FRMD4B: variants seen among roughly 807,000 people sequenced by gnomAD.
The protein encoded by FRMD4B is FERM domain containing 4B.
FRMD4B carries 74 observed loss-of-function variants against 141.5 expected under a neutral mutation model. The observed-to-expected ratio is 0.52, with a 90% CI of 0.43 to 0.63. FRMD4B has a LOEUF of 0.63. FRMD4B is among the 30% of genes least tolerant of loss of function. The probability of loss-of-function intolerance (pLI) is 0.00; values close to 1 mark genes in which losing one functional copy is unlikely to be tolerated. For synonymous variants in FRMD4B, 506 were observed against 467.9 expected (o/e 1.08, Z -1.05); for missense variants, 1,366 against 1,253.4 (o/e 1.09, Z -1.36).
At chr3:69,465,822 T>C (rs1423216073) in intron 1 of FRMD4B, among the ~76,000 whole-genome samples, 2 of 152,212 alleles carry the variant, frequency 1.3e-5, no homozygotes, top group Non-Finnish European at 2.9e-5. Flanking sequence ...TCCAAGTCTT[T>C]GCTATTGTGA....
At chr3:69,354,927 T>C (rs1843049) in intron 1 of FRMD4B, among the ~76,000 whole-genome samples, 59,580 of 151,940 alleles carry the variant, frequency 0.39, 14,333 homozygotes, top group African/African-American at 0.69. Context: ...TAATTATTTG[T>C]GAGCACGTGA....
At chr3:69,391,881 C>T (rs1245327874) in intron 2 of FRMD4B, among the ~76,000 whole-genome samples, 1 of 152,194 alleles carries the variant, frequency 6.6e-6, no homozygotes, top group African/African-American at 2.4e-5. Flanking sequence ...GTCATTAGGA[C>T]AACCACAACA....
intron 1 of FRMD4B, among the ~76,000 whole-genome samples, chr3:69,440,162 C>T (rs1705321926): frequency 6.6e-6 from 1 of 152,140 alleles, no homozygotes; most frequent in African/African-American, 2.4e-5. Context: ...ATTCCTTTCT[C>T]CCCATCTAAA....
chr3:69,286,696 C>T (rs1298637182), intron 5 of FRMD4B, among the ~76,000 whole-genome samples: 3 of 152,230 alleles, frequency 2.0e-5, no homozygotes. Context: ...CATGGCTTCC[C>T]TTCCCTTCCT....
intron 1 of FRMD4B, among the ~76,000 whole-genome samples, chr3:69,317,845 G>A (rs1404465483): frequency 2.0e-5 from 3 of 149,886 alleles, no homozygotes; most frequent in African/African-American, 4.9e-5. Context: ...GGTTCCTAAT[G>A]TTTTCCAGTC....
chr3:69,208,094 C>T (rs1406658021), intron 11 of FRMD4B, among the ~76,000 whole-genome samples: 2 of 151,720 alleles, frequency 1.3e-5, no homozygotes, highest in African/African-American at 4.8e-5. Context: ...GACAGAGTCT[C>T]ACTCTGTCAC....
At chr3:69,228,462 G>A (rs1179647747) in intron 7 of FRMD4B, 1 of 456,646 alleles carries the variant, frequency 2.2e-6, no homozygotes, top group Non-Finnish European at 4.4e-6. Context: ...CTGAAGAGAG[G>A]AGAACATTGC....
chr3:69,512,128 A>T (rs1210744567), intron 1 of FRMD4B, among the ~76,000 whole-genome samples: 1 of 152,216 alleles, frequency 6.6e-6, no homozygotes, highest in Non-Finnish European at 1.5e-5. Flanking sequence ...GAAGCTGCAG[A>T]GGTAAGCAAG....
intron 11 of FRMD4B, among the ~76,000 whole-genome samples, chr3:69,208,403 T>C (rs1469038518): frequency 6.6e-6 from 1 of 152,144 alleles, no homozygotes; most frequent in Non-Finnish European, 1.5e-5. Flanking sequence ...TTTCACCATG[T>C]TGGCCAGGCT....
chr3:69,187,757 T>C lies in FRMD4B; in HGVS notation c.1919+13A>G, dbSNP rs750861823. 2 of 1,605,100 alleles carry C rather than the reference T, an allele frequency of 1.2e-6. No individual in the cohort carries two copies. Among genetic ancestry groups the C allele is most frequent in the Non-Finnish European group, 1.7e-6 (2 of 1,176,650 alleles). ...TGTGGGGCATTAACCTTACTGATGA[T>C]ATGACCTCTCACCTGGACTGCCTGG... On this transcript the variant is annotated intron_variant, in intron 19 of 22. Coordinates refer to ENST00000398540, the MANE Select transcript of FRMD4B (RefSeq NM_015123.3).
intron 1 of FRMD4B, among the ~76,000 whole-genome samples, chr3:69,516,631 T>G (rs961487962): frequency 6.6e-6 from 1 of 152,210 alleles, no homozygotes; most frequent in African/African-American, 2.4e-5. Context: ...TGCAATAAAT[T>G]TGCGCTTGTA....
intron 1 of FRMD4B, among the ~76,000 whole-genome samples, chr3:69,482,007 A>G (rs1706132567): frequency 6.6e-6 from 1 of 152,232 alleles, no homozygotes. Context: ...TTCCTTCTTT[A>G]AAATGATGCT....
chr3:69,329,145 G>A (rs1419767684), intron 1 of FRMD4B, among the ~76,000 whole-genome samples: 2 of 152,152 alleles, frequency 1.3e-5, no homozygotes, highest in Admixed American at 6.5e-5. Context: ...TGTGGAGGCC[G>A]TTGAGAGACC....
intron 2 of FRMD4B, among the ~76,000 whole-genome samples, chr3:69,419,299 C>A (rs56352689): frequency 6.6e-6 from 1 of 152,138 alleles, no homozygotes; most frequent in East Asian, 1.9e-4. Context: ...TCAGCCCAGA[C>A]GTATCTGGCT....
At chr3:69,241,674 A>T (rs1047024718) in intron 7 of FRMD4B, among the ~76,000 whole-genome samples, 3 of 152,096 alleles carry the variant, frequency 2.0e-5, no homozygotes, top group Non-Finnish European at 2.9e-5. Context: ...AGGCTGACAG[A>T]TTTTCTGAGA....
chr3:69,526,357 C>G lies in FRMD4B; in HGVS notation c.-129+15849G>C, dbSNP rs1700930664. ...GATAACACACTTTTTCAGGGGCTGC[C>G]TCCCATTCCCTGTCTCATTTCCTGA... On this transcript the variant is annotated intron_variant, in intron 1 of 5. Transcript: ENST00000459638. Among the ~76,000 whole-genome samples the G allele has an allele frequency of 2.0e-5, 3 of 152,318 alleles. No homozygotes were observed. In the South Asian group the frequency reaches 6.2e-4, roughly 32 times the overall value.
At chr3:69,313,210 T>G (rs1332301904) in intron 2 of FRMD4B, among the ~76,000 whole-genome samples, 1 of 152,230 alleles carries the variant, frequency 6.6e-6, no homozygotes, top group Non-Finnish European at 1.5e-5. Context: ...GGAACTCAAG[T>G]GTCTCTGAAT....
At chr3:69,487,993 T>C (rs76495127) in intron 1 of FRMD4B, among the ~76,000 whole-genome samples, 1,651 of 149,484 alleles carry the variant, frequency 0.011, 15 homozygotes, top group Non-Finnish European at 0.016. Flanking sequence ...TAAAATTTCA[T>C]CTCTTCAACC....
intron 7 of FRMD4B, among the ~76,000 whole-genome samples, chr3:69,230,680 A>G (rs111877856): frequency 0.097 from 14,710 of 151,866 alleles, 1,435 homozygotes; most frequent in African/African-American, 0.23. Context: ...CCTGGCAGGC[A>G]GAGGCTGCAG....
Sources: allele counts gnomAD v4.1 joint callset (sites outside exome capture counted in the v4.1 genomes callset), GRCh38; gene constraint gnomAD v4.1.1; transcripts MANE v1.5; gene names NCBI Gene and HGNC (gene_info 2026-07-23, HGNC 2026-07-21).